EYA3: variants seen among roughly 807,000 people sequenced by gnomAD.
EYA3 encodes EYA transcriptional coactivator and phosphatase 3.
Under a neutral mutation model 80.0 loss-of-function variants are expected in EYA3, and 39 were observed. The ratio of observed to expected loss-of-function variants is 0.49; its 90% CI spans 0.38 to 0.64. The LOEUF (loss-of-function observed/expected upper bound fraction) is 0.64, where lower values mean the gene tolerates loss of function less well. Ranked by LOEUF, EYA3 falls within the 30% of genes least tolerant of loss-of-function variation. EYA3 has a pLI of 0.00. For synonymous variants in EYA3, 206 were observed against 232.8 expected (o/e 0.88, Z 1.05); for missense variants, 523 against 676.1 (o/e 0.77, Z 2.51).
At chr1:28,056,274 C>T (rs1644433589) in intron 2 of EYA3, among the ~76,000 whole-genome samples, 1 of 152,128 alleles carries the variant, frequency 6.6e-6, no homozygotes. Context: ...AGGGATAGTC[C>T]ACAGGCCACA....
chr1:28,011,220 T>G, intron 9 of EYA3, 134 bp from the exon 10 acceptor site: 1 of 900,942 alleles, frequency 1.1e-6, no homozygotes, highest in Non-Finnish European at 1.6e-6. Context: ...AAACCTTATG[T>G]AAGCAATTAT....
chr1:28,073,117 ATATATATATATT>A (rs1451540048), intron 1 of EYA3, among the ~76,000 whole-genome samples: 3 of 47,442 alleles, frequency 6.3e-5, no homozygotes, highest in African/African-American at 3.4e-4. Context: ...ATATATATAT[ATATATATATATT>A]TTTTTTTTTT....
intron 9 of EYA3, 148 bp from the exon 10 acceptor site, chr1:28,011,234 G>C (rs750682880): frequency 5.0e-6 from 4 of 803,106 alleles, no homozygotes; most frequent in Non-Finnish European, 7.6e-6. Flanking sequence ...CAATTATGAA[G>C]TGTACATCTA....
intron 16 of EYA3, among the ~76,000 whole-genome samples, chr1:27,986,004 A>C (rs1639631119): frequency 6.6e-6 from 1 of 151,642 alleles, no homozygotes; most frequent in African/African-American, 2.4e-5. Context: ...CTTGATGTTT[A>C]TTTTCTTTTT....
In EYA3 at chr1:28,003,472, A is replaced by AAAACAAACAAACAAAC. The variant is rs111781878; in HGVS notation, c.993+848_993+863dup. Among the ~76,000 whole-genome samples the AAAACAAACAAACAAAC allele has an allele frequency of 4.3e-3, 654 of 152,158 alleles. 3 individuals are homozygous for AAAACAAACAAACAAAC. The highest frequency in any genetic ancestry group is 7.5e-3 in the Non-Finnish European group (510 of 68,028). The stretch of plus-strand genomic sequence containing the variant: ...TGACAAGAGCAAGACTCTCTCTCAA[A>AAAACAAACAAACAAAC]AAACAAACAAACAAACAAACAAACA... On this transcript the variant is annotated intron_variant, in intron 11 of 17. Coordinates refer to ENST00000373871, the MANE Select transcript of EYA3 (RefSeq NM_001990.4).
intron 10 of EYA3, among the ~76,000 whole-genome samples, chr1:28,007,223 A>C (rs1641348840): frequency 6.6e-6 from 1 of 151,946 alleles, no homozygotes; most frequent in Non-Finnish European, 1.5e-5. Context: ...TAGAGGCGTG[A>C]GCCACTGTCC....
At chr1:28,029,022 CTG>C (rs952301741) in intron 6 of EYA3, among the ~76,000 whole-genome samples, 1 of 152,138 alleles carries the variant, frequency 6.6e-6, no homozygotes, top group African/African-American at 2.4e-5. Flanking sequence ...CAGCCAAGGA[CTG>C]TGTTATACAT....
intron 10 of EYA3, among the ~76,000 whole-genome samples, chr1:28,007,094 C>T (rs534500904): frequency 6.6e-6 from 1 of 151,662 alleles, no homozygotes; most frequent in East Asian, 2.0e-4. Context: ...GTGTGCACCA[C>T]CAGGTCCGGC....
intron 16 of EYA3, among the ~76,000 whole-genome samples, chr1:27,987,529 TG>T (rs1315713243): frequency 6.6e-6 from 1 of 152,194 alleles, no homozygotes; most frequent in Non-Finnish European, 1.5e-5. Context: ...TTACCCAGGC[TG>T]AACTCAAACT....
Position 27,970,438 on chromosome 1 carries a change from G to A in EYA3, c.*4028C>T, listed in dbSNP as rs1270365600. The stretch of plus-strand genomic sequence containing the variant: ...ACGGATTCTACAGCCACAAATGCCC[G>A]CAGTCACATAAATATATCCAATCCA... On this transcript the variant is annotated 3_prime_UTR_variant, in exon 18 of 18. Transcript: ENST00000373871. 2 of 152,112 alleles carry A rather than the reference G, an allele frequency of 1.3e-5. No homozygotes were observed. The highest frequency in any genetic ancestry group is 2.9e-5 in the Non-Finnish European group (2 of 68,022). 9.4% of individuals were successfully genotyped at this position (152,112 alleles called of 1,614,324 possible).
intron 14 of EYA3, among the ~76,000 whole-genome samples, chr1:27,991,527 T>C (rs929189601): frequency 1.3e-5 from 2 of 152,126 alleles, no homozygotes; most frequent in African/African-American, 4.8e-5. Context: ...ACAGTGAAGG[T>C]TAAAAAAAAA....
At chr1:28,076,740 T>C (rs905457549) in intron 1 of EYA3, among the ~76,000 whole-genome samples, 1 of 145,364 alleles carries the variant, frequency 6.9e-6, no homozygotes, top group Non-Finnish European at 1.5e-5. Context: ...ATAATTTCTT[T>C]TTTTTTTTTT....
intron 1 of EYA3, among the ~76,000 whole-genome samples, chr1:28,064,359 CCTCT>C (rs753576988): frequency 0.058 from 7,988 of 137,322 alleles, 414 homozygotes; most frequent in East Asian, 0.26. Context: ...AGCAAGCCAT[CCTCT>C]CTCTCTCTCT....
At chr1:28,061,731 T>C (rs1240216359) in intron 1 of EYA3, among the ~76,000 whole-genome samples, 1 of 151,952 alleles carries the variant, frequency 6.6e-6, no homozygotes, top group Non-Finnish European at 1.5e-5. Flanking sequence ...TCCTGAATAG[T>C]TGGGACTACA....
chr1:28,036,982 G>T (rs1420307908), intron 5 of EYA3, among the ~76,000 whole-genome samples: 1 of 152,120 alleles, frequency 6.6e-6, no homozygotes, highest in African/African-American at 2.4e-5. Context: ...AGTCCTGGAG[G>T]GTATAGAGTA....
At chr1:27,983,611 C>CA (rs796686370) in intron 16 of EYA3, among the ~76,000 whole-genome samples, 57 of 152,278 alleles carry the variant, frequency 3.7e-4, no homozygotes, top group African/African-American at 1.3e-3. Context: ...TTTCTATATT[C>CA]AAAATTGTCT....
At chr1:28,063,903 G>C (rs984447012) in intron 1 of EYA3, among the ~76,000 whole-genome samples, 14 of 151,782 alleles carry the variant, frequency 9.2e-5, no homozygotes, top group Admixed American at 9.2e-4. Flanking sequence ...TATATAGTTG[G>C]TGTCCAACTT....
At chr1:28,064,376 CTCTATATA>C (rs1477197269) in intron 1 of EYA3, among the ~76,000 whole-genome samples, 186 of 111,878 alleles carry the variant, frequency 1.7e-3, no homozygotes, top group African/African-American at 6.2e-3. Flanking sequence ...CTCTCTCTCT[CTCTATATA>C]TATATATATA....
At chr1:27,976,542 C>A (rs1268947349) in intron 17 of EYA3, among the ~76,000 whole-genome samples, 4 of 152,074 alleles carry the variant, frequency 2.6e-5, no homozygotes, top group African/African-American at 9.7e-5. Flanking sequence ...GGGGGAACAC[C>A]CTAACAGCTT....
Sources: gnomAD v4.1 joint callset for allele counts (sites outside exome capture counted in the v4.1 genomes callset) on GRCh38, gnomAD v4.1.1 for gene constraint, MANE v1.5 for transcripts, NCBI Gene and HGNC (gene_info 2026-07-23, HGNC 2026-07-21) for gene names.